Variants in FHOD3 observed in about 807,000 individuals in gnomAD.
FHOD3 encodes formin homology 2 domain containing 3.
FHOD3 carries 90 observed loss-of-function variants against 173.0 expected under a neutral mutation model. The observed-to-expected ratio is 0.52, with a 90% CI of 0.44 to 0.62. The LOEUF is 0.62. Ranked by LOEUF, FHOD3 falls within the 20% of genes least tolerant of loss-of-function variation. FHOD3 has a pLI of 0.00. For missense variants in FHOD3, 1,945 were observed against 2,034.7 expected, an observed-to-expected ratio of 0.96 and a Z score of 0.85; for synonymous variants, 828 against 823.0, an observed-to-expected ratio of 1.01 and a Z score of -0.10.
At chr18:36,550,243 CATATATATATAT>C (rs371573246) in intron 5 of FHOD3, among the ~76,000 whole-genome samples, 1 of 120,714 alleles carries the variant, frequency 8.3e-6, no homozygotes, top group Non-Finnish European at 1.7e-5. Flanking sequence ...AGTGGTAGAC[CATATATATATAT>C]ATATATATAT....
At chr18:36,467,197 G>A (rs556836092) in intron 3 of FHOD3, among the ~76,000 whole-genome samples, 162 of 152,242 alleles carry the variant, frequency 1.1e-3, no homozygotes, top group Non-Finnish European at 1.9e-3. Context: ...CTTCACCTTC[G>A]TCTTAGGAGC....
At chr18:36,566,911 T>TTG (rs2058285408) in intron 5 of FHOD3, among the ~76,000 whole-genome samples, 1 of 152,228 alleles carries the variant, frequency 6.6e-6, no homozygotes, top group Admixed American at 6.5e-5. Context: ...AAGAACAATA[T>TTG]TTCCCTTAAT....
chr18:36,701,675 C>T (rs1467654527), intron 17 of FHOD3, among the ~76,000 whole-genome samples: 1 of 152,180 alleles, frequency 6.6e-6, no homozygotes, highest in Non-Finnish European at 1.5e-5. Context: ...TTTGCTGCTT[C>T]AAATGTGAGT....
chr18:36,494,659 G>A (rs968866417), intron 3 of FHOD3, among the ~76,000 whole-genome samples: 1 of 152,166 alleles, frequency 6.6e-6, no homozygotes, highest in South Asian at 2.1e-4. Context: ...GCAATCAGCA[G>A]TACTTCTCCA....
rs1334149045 is a variant in FHOD3 at position 36,311,164 on chromosome 18, A to G, written c.165+13164A>G. On this transcript the variant is annotated intron_variant, in intron 1 of 28. Coordinates refer to ENST00000590592, the MANE Select transcript of FHOD3 (RefSeq NM_001281740.3). Reference sequence around the variant, plus strand: ...CTGAAAGGCCACCTGTGTAGATAGCATGGGAGGAGGAAGGGAGACAGGGAC... The same window carrying G: ...CTGAAAGGCCACCTGTGTAGATAGCGTGGGAGGAGGAAGGGAGACAGGGAC... Among the ~76,000 whole-genome samples, 4 of 141,974 alleles carry G rather than the reference A, an allele frequency of 2.8e-5. No homozygotes were observed. In the East Asian group the frequency reaches 9.8e-4, roughly 35 times the overall value. The allele number at this position is 141,974 out of a possible 152,430, so 93.1% of individuals were successfully genotyped here. A position where few individuals can be genotyped will look rare whatever the true frequency, so the allele number is the denominator to read the frequency against.
intron 19 of FHOD3, among the ~76,000 whole-genome samples, chr18:36,729,683 C>T (rs974290885): frequency 2.6e-5 from 4 of 152,140 alleles, no homozygotes; most frequent in African/African-American, 9.7e-5. Flanking sequence ...CATGAGGATC[C>T]CACCCTCGTG....
chr18:36,317,932 G>T lies in FHOD3; in HGVS notation c.165+19932G>T. Among the ~76,000 whole-genome samples, 2 of 152,112 alleles carry T rather than the reference G, an allele frequency of 1.3e-5. 1 individual carries two copies. Among genetic ancestry groups the T allele is most frequent in the Non-Finnish European group, 2.9e-5 (2 of 68,020 alleles). ...GGTATAAGGAAGGGATCCAGTTTCA[G>T]CTTTCTACATATGGCTAGCCAGTTT... On this transcript the variant is annotated intron_variant, in intron 1 of 28. Transcript: ENST00000590592.
intron 22 of FHOD3, 61 bp downstream of exon 22, chr18:36,742,917 A>G: frequency 6.4e-7 from 1 of 1,569,516 alleles, no homozygotes; most frequent in Middle Eastern, 1.7e-4. Context: ...CTGCCCAGCA[A>G]TTGCTGATGA....
chr18:36,361,250 A>G (rs981549793), intron 2 of FHOD3, among the ~76,000 whole-genome samples: 3 of 152,090 alleles, frequency 2.0e-5, no homozygotes, highest in Non-Finnish European at 4.4e-5. Context: ...TTAAAACCAA[A>G]GGAGCCATTA....
chr18:36,732,701 A>C (rs1427967075), intron 20 of FHOD3, among the ~76,000 whole-genome samples: 1 of 152,142 alleles, frequency 6.6e-6, no homozygotes, highest in Non-Finnish European at 1.5e-5. Flanking sequence ...ACAGAGAGAG[A>C]GACTGAGGCA....
intron 18 of FHOD3, among the ~76,000 whole-genome samples, chr18:36,715,131 T>C (rs2040377423): frequency 6.6e-6 from 1 of 152,206 alleles, no homozygotes; most frequent in African/African-American, 2.4e-5. Flanking sequence ...CTGATGAGGT[T>C]TGGCTGTGTT....
chr18:36,355,771 C>G, intron 2 of FHOD3, 126 bp downstream of exon 2: 1 of 744,028 alleles, frequency 1.3e-6, no homozygotes, highest in Non-Finnish European at 2.2e-6. Flanking sequence ...CAATCACACA[C>G]GAGGGAGATG....
At chr18:36,694,999 G>GTGTGTGTGTGTGTGTGCA (rs1600277692) in intron 17 of FHOD3, among the ~76,000 whole-genome samples, 1 of 151,126 alleles carries the variant, frequency 6.6e-6, no homozygotes, top group East Asian at 2.0e-4. Context: ...GTGTGTGTGC[G>GTGTGTGTGTGTGTGTGCA]TGTGTGTGTG....
intron 2 of FHOD3, among the ~76,000 whole-genome samples, chr18:36,370,964 G>A (rs1007130881): frequency 6.6e-6 from 1 of 152,220 alleles, no homozygotes; most frequent in East Asian, 1.9e-4. Context: ...AGTTGAAGGA[G>A]TGTTCATGTC....
intron 5 of FHOD3, among the ~76,000 whole-genome samples, chr18:36,552,772 A>G (rs1223537231): frequency 6.6e-6 from 1 of 152,128 alleles, no homozygotes; most frequent in Non-Finnish European, 1.5e-5. Flanking sequence ...TGCTGGGATT[A>G]CAGGCATGAG....
At chr18:36,698,905 A>T (rs1425411005) in intron 17 of FHOD3, among the ~76,000 whole-genome samples, 2 of 152,168 alleles carry the variant, frequency 1.3e-5, no homozygotes, top group Admixed American at 1.3e-4. Context: ...AACCTGGGGA[A>T]AGGAACCCTG....
chr18:36,666,192 A>T (rs1029263796), intron 14 of FHOD3, among the ~76,000 whole-genome samples: 68 of 152,362 alleles, frequency 4.5e-4, no homozygotes, highest in East Asian at 9.6e-4. Flanking sequence ...AGGAGCTCAG[A>T]TCTGCACTGA....
chr18:36,665,267 A>G (rs2037099981), intron 14 of FHOD3, among the ~76,000 whole-genome samples: 1 of 152,224 alleles, frequency 6.6e-6, no homozygotes, highest in African/African-American at 2.4e-5. Context: ...CAAGTCTTAC[A>G]TACTCATATA....
intron 3 of FHOD3, among the ~76,000 whole-genome samples, chr18:36,417,296 A>G (rs534989081): frequency 1.3e-5 from 2 of 152,136 alleles, no homozygotes; most frequent in South Asian, 4.2e-4. Context: ...TTTAGCTCCT[A>G]CTTATTAGTA....
Sources: allele counts gnomAD v4.1 joint callset (sites outside exome capture counted in the v4.1 genomes callset), GRCh38; gene constraint gnomAD v4.1.1; transcripts MANE v1.5; gene names NCBI Gene and HGNC (gene_info 2026-07-23, HGNC 2026-07-21).